The following DLG2 variants were observed in gnomAD, a reference collection of about 807,000 sequenced individuals.
DLG2 encodes disks large homolog 2.
A neutral mutation model predicts 132.5 loss-of-function variants in DLG2; 45 were observed. That is an observed-to-expected ratio of 0.34 (90% CI 0.27 to 0.44). DLG2 has a LOEUF of 0.44. Among genes scored for constraint, DLG2 ranks in the 20% least tolerant of loss-of-function variants. The probability of loss-of-function intolerance (pLI) is 1.00; values close to 1 mark genes in which losing one functional copy is unlikely to be tolerated. For synonymous variants in DLG2, 424 were observed against 419.6 expected (o/e 1.01, Z -0.13); for missense variants, 1,045 against 1,196.9 (o/e 0.87, Z 1.87).
intron 7 of DLG2, among the ~76,000 whole-genome samples, chr11:84,506,076 G>GTTTTTTTTTTTTTTTTTTTTTT (rs559086542): frequency 3.3e-5 from 3 of 91,416 alleles, no homozygotes; most frequent in Admixed American, 1.8e-4. Flanking sequence ...CAGAGGCTCA[G>GTTTTTTTTTTTTTTTTTTTTTT]TTCTTTTTTT....
At chr11:83,717,470 T>A (rs2086994525) in intron 18 of DLG2, among the ~76,000 whole-genome samples, 1 of 152,220 alleles carries the variant, frequency 6.6e-6, no homozygotes, top group African/African-American at 2.4e-5. Context: ...CTGAAGGTTT[T>A]GTAGGGGCTT....
At chr11:83,829,935 G>C (rs577340446) in intron 17 of DLG2, among the ~76,000 whole-genome samples, 3 of 151,856 alleles carry the variant, frequency 2.0e-5, no homozygotes, top group Non-Finnish European at 4.4e-5. Flanking sequence ...TGTGATGTTC[G>C]CCATCCTGTG....
chr11:85,613,162 T>C (rs1243959019), intron 2 of DLG2, among the ~76,000 whole-genome samples: 1 of 152,212 alleles, frequency 6.6e-6, no homozygotes, highest in Non-Finnish European at 1.5e-5. Flanking sequence ...ATGGCAGCCA[T>C]CTTGCTGTTA....
intron 15 of DLG2, among the ~76,000 whole-genome samples, chr11:83,895,651 A>G (rs1322164532): frequency 6.6e-6 from 1 of 152,214 alleles, no homozygotes; most frequent in Non-Finnish European, 1.5e-5. Flanking sequence ...CAAGAGCCAC[A>G]GTCCCTGCTA....
intron 6 of DLG2, chr11:84,720,183 A>C: frequency 1.2e-6 from 1 of 828,680 alleles, no homozygotes; most frequent in Non-Finnish European, 1.5e-6. Flanking sequence ...AGAGCAGAGC[A>C]GTCGCAGCTT....
At chr11:84,732,207 C>G (rs1484663020) in intron 6 of DLG2, among the ~76,000 whole-genome samples, 1 of 152,028 alleles carries the variant, frequency 6.6e-6, no homozygotes, top group African/African-American at 2.4e-5. Flanking sequence ...GAGTCACTTT[C>G]AGTTTGAAGT....
intron 21 of DLG2, among the ~76,000 whole-genome samples, chr11:83,523,414 C>A (rs541779852): frequency 6.6e-6 from 1 of 152,230 alleles, no homozygotes; most frequent in South Asian, 2.1e-4. Flanking sequence ...ATTAGCTATG[C>A]TACTAACATC....
chr11:84,367,679 G>T (rs1464150001), intron 7 of DLG2, among the ~76,000 whole-genome samples: 4 of 152,034 alleles, frequency 2.6e-5, no homozygotes, highest in Non-Finnish European at 4.4e-5. Flanking sequence ...AAGTGAGTTT[G>T]GCTCTCAGTG....
At chr11:85,408,739 T>C (rs562305756) in intron 3 of DLG2, among the ~76,000 whole-genome samples, 21 of 151,940 alleles carry the variant, frequency 1.4e-4, no homozygotes, top group African/African-American at 4.8e-4. Flanking sequence ...TCATTTTTTA[T>C]GGCTACATAG....
chr11:83,508,433 A>T, intron 21 of DLG2, among the ~76,000 whole-genome samples: 1 of 50,298 alleles, frequency 2.0e-5, no homozygotes. Flanking sequence ...TTTAGTAGAG[A>T]TGGGGTTTCA....
chr11:83,734,365 TTCCTTCCTTCCTTCC>T (rs1346227595), intron 18 of DLG2, among the ~76,000 whole-genome samples: 1 of 135,648 alleles, frequency 7.4e-6, no homozygotes, highest in Non-Finnish European at 1.6e-5. Flanking sequence ...CCTTCCTTCC[TTCCTTCCTTCCTTCC>T]TTCCTTCCTT....
At chr11:83,787,815 T>C (rs2040439491) in intron 17 of DLG2, among the ~76,000 whole-genome samples, 1 of 152,146 alleles carries the variant, frequency 6.6e-6, no homozygotes, top group Non-Finnish European at 1.5e-5. Flanking sequence ...CATTCTTAAC[T>C]CAAATTTAAT....
intron 6 of DLG2, among the ~76,000 whole-genome samples, chr11:84,643,329 T>C (rs1298497301): frequency 1.3e-5 from 2 of 152,176 alleles, no homozygotes; most frequent in African/African-American, 4.8e-5. Context: ...GTAATGCAGT[T>C]TTTGTAACTT....
At chr11:84,406,531 G>T (rs1004524828) in intron 7 of DLG2, among the ~76,000 whole-genome samples, 1 of 152,084 alleles carries the variant, frequency 6.6e-6, no homozygotes, top group Non-Finnish European at 1.5e-5. Flanking sequence ...GTAGAGATGG[G>T]GTTTCACCAT....
intron 3 of DLG2, among the ~76,000 whole-genome samples, chr11:85,532,709 C>G (rs770710945): frequency 1.3e-5 from 2 of 152,170 alleles, no homozygotes; most frequent in Non-Finnish European, 2.9e-5. Context: ...GAATACTCTT[C>G]CAACTTAGAC....
chr11:83,700,231 A>C (rs963106091), intron 18 of DLG2, among the ~76,000 whole-genome samples: 2 of 152,174 alleles, frequency 1.3e-5, no homozygotes, highest in Non-Finnish European at 2.9e-5. Context: ...AAGCATTGAC[A>C]CACATCAGTG....
chr11:84,373,522 A>T (rs1293255294), intron 7 of DLG2, among the ~76,000 whole-genome samples: 1 of 152,042 alleles, frequency 6.6e-6, no homozygotes, highest in East Asian at 1.9e-4. Flanking sequence ...GTGAGCCAAG[A>T]TTGTGCCATT....
At chr11:85,468,245 A>G (rs1425225988) in intron 3 of DLG2, among the ~76,000 whole-genome samples, 2 of 150,410 alleles carry the variant, frequency 1.3e-5, no homozygotes, top group Admixed American at 6.6e-5. Context: ...AATTTTGTTG[A>G]TCTTTTCAAA....
intron 6 of DLG2, chr11:84,955,262 T>C (rs2051491581): frequency 1.3e-5 from 2 of 152,206 alleles, no homozygotes; most frequent in Admixed American, 6.5e-5. Context: ...AGTCATTCTT[T>C]TAAATAATTG....
Sources: gnomAD v4.1 joint callset for allele counts (sites outside exome capture counted in the v4.1 genomes callset) on GRCh38, gnomAD v4.1.1 for gene constraint, MANE v1.5 for transcripts, NCBI Gene and HGNC (gene_info 2026-07-23, HGNC 2026-07-21) for gene names.